GNAQ: variants seen among roughly 807,000 people sequenced by gnomAD.
GNAQ encodes guanine nucleotide-binding protein G(q) subunit alpha.
A neutral mutation model predicts 43.9 loss-of-function variants in GNAQ; 8 were observed. The observed-to-expected ratio is 0.18, with a 90% CI of 0.11 to 0.33. GNAQ has a LOEUF of 0.33. Among genes scored for constraint, GNAQ ranks in the 10% least tolerant of loss-of-function variants. GNAQ has a pLI of 1.00. For missense variants in GNAQ, 158 were observed against 450.8 expected (o/e 0.35, Z 5.88); for synonymous variants, 155 against 170.7 (o/e 0.91, Z 0.71).
intron 2 of GNAQ, among the ~76,000 whole-genome samples, chr9:77,861,696 G>A (rs578141536): frequency 2.6e-4 from 39 of 152,116 alleles, no homozygotes; most frequent in African/African-American, 9.2e-4. Context: ...CTCACATCCC[G>A]GTCACACTGA....
intron 2 of GNAQ, among the ~76,000 whole-genome samples, chr9:77,877,132 A>G (rs545249820): frequency 2.0e-5 from 3 of 152,316 alleles, no homozygotes; most frequent in East Asian, 3.9e-4. Context: ...CTACGAATGA[A>G]TGGGCAGCTG....
intron 1 of GNAQ, among the ~76,000 whole-genome samples, chr9:77,959,182 T>G (rs1355248500): frequency 6.6e-6 from 1 of 152,170 alleles, no homozygotes; most frequent in Non-Finnish European, 1.5e-5. Context: ...CTCCCTAAAA[T>G]AATTAATTTA....
intron 3 of GNAQ, among the ~76,000 whole-genome samples, chr9:77,801,710 C>G (rs925873859): frequency 6.6e-6 from 1 of 152,042 alleles, no homozygotes; most frequent in African/African-American, 2.4e-5. Context: ...CATCTAGAAC[C>G]AAAAACCAAA....
At chr9:77,804,224 C>T (rs1422981813) in intron 3 of GNAQ, among the ~76,000 whole-genome samples, 2 of 152,020 alleles carry the variant, frequency 1.3e-5, no homozygotes, top group African/African-American at 4.8e-5. Context: ...CCACCTATGA[C>T]TGGAAGAGTA....
intron 5 of GNAQ, among the ~76,000 whole-genome samples, chr9:77,783,510 TTC>T (rs1826429305): frequency 6.6e-6 from 1 of 152,216 alleles, no homozygotes; most frequent in Non-Finnish European, 1.5e-5. Context: ...CAGACTCTGC[TTC>T]TTTCATATCA....
intron 1 of GNAQ, among the ~76,000 whole-genome samples, chr9:77,931,622 A>C (rs1258532067): frequency 1.3e-5 from 2 of 152,036 alleles, no homozygotes; most frequent in Non-Finnish European, 2.9e-5. Context: ...TCTCAAGAAC[A>C]GTAGTGAAAA....
rs550697866 is a variant in GNAQ, at chr9:77,860,211, G to A, written c.322-44441C>T. ...CAGGCGGCTGAGTGGGGGTTAGCTG[G>A]AGCTTATGGCTGGGTTAGAGAGTGA... On this transcript the variant is annotated intron_variant, in intron 2 of 6. Transcript: ENST00000286548. 2.6e-5 allele frequency among the ~76,000 whole-genome samples: 4 copies of A among 152,270 alleles called. No individual in the cohort carries two copies. In the South Asian group the frequency reaches 8.3e-4, roughly 32 times the overall value.
intron 1 of GNAQ, among the ~76,000 whole-genome samples, chr9:78,005,780 TC>T (rs962677859): frequency 1.2e-4 from 18 of 152,236 alleles, no homozygotes; most frequent in African/African-American, 4.1e-4. Flanking sequence ...GTGTTAGGCA[TC>T]CCCACGACTA....
intron 2 of GNAQ, among the ~76,000 whole-genome samples, chr9:77,846,292 C>T (rs1422437589): frequency 2.6e-5 from 4 of 152,210 alleles, no homozygotes; most frequent in Non-Finnish European, 5.9e-5. Context: ...CTGGCTGCAG[C>T]CAAGCTGTGG....
intron 2 of GNAQ, among the ~76,000 whole-genome samples, chr9:77,847,513 G>C (rs765806494): frequency 1.3e-5 from 2 of 152,192 alleles, no homozygotes; most frequent in Non-Finnish European, 2.9e-5. Context: ...CAAAAAGGAA[G>C]GGTGGGTAGT....
At chr9:77,927,160 C>A (rs1829082456) in intron 1 of GNAQ, among the ~76,000 whole-genome samples, 1 of 152,152 alleles carries the variant, frequency 6.6e-6, no homozygotes, top group Non-Finnish European at 1.5e-5. Context: ...ACAAGTTCTG[C>A]CAAAAATCTG....
At chr9:78,013,998 T>C (rs1025737563) in intron 1 of GNAQ, among the ~76,000 whole-genome samples, 10 of 152,130 alleles carry the variant, frequency 6.6e-5, no homozygotes, top group African/African-American at 2.2e-4. Context: ...ATAATACCAT[T>C]TGATCTCTGA....
intron 2 of GNAQ, among the ~76,000 whole-genome samples, chr9:77,845,993 C>T (rs908169367): frequency 5.3e-5 from 8 of 152,186 alleles, no homozygotes; most frequent in African/African-American, 1.4e-4. Context: ...GGAGGCGATG[C>T]TCTAGCTGAG....
chr9:77,772,101 A>C (rs1324376216), intron 5 of GNAQ, among the ~76,000 whole-genome samples: 1 of 152,166 alleles, frequency 6.6e-6, no homozygotes, highest in African/African-American at 2.4e-5. Context: ...GTAGACCTGT[A>C]AACTTTAAAA....
chr9:77,744,804 G>T (rs1055996693), intron 5 of GNAQ, among the ~76,000 whole-genome samples: 1 of 151,904 alleles, frequency 6.6e-6, no homozygotes, highest in African/African-American at 2.4e-5. Flanking sequence ...AATGCCCAGG[G>T]CAACTTGGAT....
In GNAQ at chr9:77,719,435, G is replaced by GA. The variant is rs1011145768; in HGVS notation, c.*1887dup. On this transcript the variant is annotated 3_prime_UTR_variant, in exon 7 of 7. Transcript: ENST00000286548. ...AATTACAGGTACTTTCTGAGCAAGG[G>GA]AAAAAAAAAGTAAGCTGTGTTGTTT... 27 of 229,956 alleles carry GA rather than the reference G, an allele frequency of 1.2e-4. No individual in the cohort carries two copies. Among genetic ancestry groups the GA allele is most frequent in the Non-Finnish European group, 2.0e-4 (23 of 116,426 alleles). The allele number at this position is 229,956 out of a possible 1,614,324, so 14.2% of individuals were successfully genotyped here. A position where few individuals can be genotyped will look rare whatever the true frequency, so the allele number is the denominator to read the frequency against.
At chr9:77,725,795 C>T (rs1019567393) in intron 6 of GNAQ, among the ~76,000 whole-genome samples, 1 of 152,108 alleles carries the variant, frequency 6.6e-6, no homozygotes, top group Admixed American at 6.5e-5. Flanking sequence ...AAATCAGCAA[C>T]TGTGAAGTGT....
At chr9:77,748,665 T>A (rs1825767047) in intron 5 of GNAQ, among the ~76,000 whole-genome samples, 1 of 152,228 alleles carries the variant, frequency 6.6e-6, no homozygotes, top group Non-Finnish European at 1.5e-5. Flanking sequence ...TTAACCCTTC[T>A]TTGCTGAATT....
In GNAQ at chr9:77,725,867, G is replaced by T. The variant is rs573964962; in HGVS notation, c.889+2647C>A. ...CCCTCAGAAGGGTTCACCTCCGTGGGCACCATGCTCTATCTGTTCTGCATC... is the reference window on the plus strand; with the variant it reads ...CCCTCAGAAGGGTTCACCTCCGTGGTCACCATGCTCTATCTGTTCTGCATC... On this transcript the variant is annotated intron_variant, in intron 6 of 6. Transcript: ENST00000286548. 2.6e-5 allele frequency among the ~76,000 whole-genome samples: 4 copies of T among 152,256 alleles called. No homozygotes were observed. In the East Asian group the frequency reaches 7.7e-4, roughly 29 times the overall value.
Sources: allele counts gnomAD v4.1 joint callset (sites outside exome capture counted in the v4.1 genomes callset), GRCh38; gene constraint gnomAD v4.1.1; transcripts MANE v1.5; gene names NCBI Gene and HGNC (gene_info 2026-07-23, HGNC 2026-07-21).